Variants in KANSL1 observed in about 807,000 individuals in gnomAD.
The protein encoded by KANSL1 is MLL1/MLL complex subunit KANSL1.
In KANSL1, 22 loss-of-function variants were observed where a neutral mutation model predicts 103.6. The ratio of observed to expected loss-of-function variants is 0.21; its 90% CI spans 0.15 to 0.30. The LOEUF is 0.30. Ranked by LOEUF, KANSL1 falls within the 10% of genes least tolerant of loss-of-function variation. KANSL1 has a pLI of 1.00. For missense variants in KANSL1, 1,337 were observed against 1,399.8 expected, an observed-to-expected ratio of 0.96 and a Z score of 0.72; for synonymous variants, 600 against 527.6, an observed-to-expected ratio of 1.14 and a Z score of -1.88.
chr17:46,133,024 T>C (rs1190107845), intron 2 of KANSL1, among the ~76,000 whole-genome samples: 1 of 152,168 alleles, frequency 6.6e-6, no homozygotes, highest in African/African-American at 2.4e-5. Context: ...GACTGTTTGT[T>C]TAGGGTCCAT....
intron 2 of KANSL1, among the ~76,000 whole-genome samples, chr17:46,129,630 A>G (rs2043747339): frequency 6.6e-6 from 1 of 152,232 alleles, no homozygotes. Context: ...AAACACAGAC[A>G]AAATATATTT....
intron 1 of KANSL1, among the ~76,000 whole-genome samples, chr17:46,185,657 A>G (rs371189976): frequency 2.7e-4 from 30 of 110,322 alleles, no homozygotes; most frequent in African/African-American, 7.3e-4. Context: ...CCCATTAAAC[A>G]TATATATATA....
intron 6 of KANSL1, among the ~76,000 whole-genome samples, chr17:46,062,114 CAAACAA>C (rs2078189463): frequency 2.7e-5 from 1 of 37,126 alleles, no homozygotes; most frequent in African/African-American, 6.8e-5. Flanking sequence ...AAAAAACAAA[CAAACAA>C]AAAAAAAAAA....
At chr17:46,196,385 G>A (rs535955329), upstream of KANSL1, 343 of 456,150 alleles carry the variant, frequency 7.5e-4, no homozygotes, top group South Asian at 5.2e-3. Context: ...CATGAGATGT[G>A]AGTAGAAGCC....
chr17:46,102,442 G>T (rs1164100746), intron 2 of KANSL1, among the ~76,000 whole-genome samples: 1 of 152,094 alleles, frequency 6.6e-6, no homozygotes, highest in African/African-American at 2.4e-5. Flanking sequence ...TAGAGATGGG[G>T]TTTTGCCGTG....
At chr17:46,131,972 C>CA (rs2043885086) in intron 2 of KANSL1, among the ~76,000 whole-genome samples, 1 of 152,152 alleles carries the variant, frequency 6.6e-6, no homozygotes, top group African/African-American at 2.4e-5. Flanking sequence ...ACTAAAAATA[C>CA]AAAAATTAAC....
chr17:46,212,140 T>C (rs1054772003), intron 1 of KANSL1, among the ~76,000 whole-genome samples: 2 of 152,236 alleles, frequency 1.3e-5, no homozygotes, highest in Non-Finnish European at 2.9e-5. Flanking sequence ...ATTCCTTATC[T>C]TTATACACTT....
chr17:46,150,955 CTT>C (rs1432664402), intron 2 of KANSL1, among the ~76,000 whole-genome samples: 2 of 148,172 alleles, frequency 1.3e-5, no homozygotes, highest in African/African-American at 5.0e-5. Context: ...ACACGAGTAT[CTT>C]GTGTTCAGCA....
intron 2 of KANSL1, among the ~76,000 whole-genome samples, chr17:46,141,196 GA>G (rs1227961709): frequency 6.6e-6 from 1 of 152,188 alleles, no homozygotes; most frequent in East Asian, 1.9e-4. Context: ...TCTTTGAACT[GA>G]AAATCCTTTT....
At chr17:46,159,164 C>T (rs2045598007) in intron 2 of KANSL1, among the ~76,000 whole-genome samples, 1 of 152,204 alleles carries the variant, frequency 6.6e-6, no homozygotes, top group Admixed American at 6.5e-5. Flanking sequence ...CCGGGCTGCT[C>T]ACTATACCTC....
chr17:46,181,309 G>A (rs2046779547), intron 1 of KANSL1, among the ~76,000 whole-genome samples: 1 of 152,128 alleles, frequency 6.6e-6, no homozygotes. Flanking sequence ...TATCAGTCTA[G>A]CCCAGGTCCT....
At chr17:46,160,165 A>G (rs1255590522) in intron 2 of KANSL1, among the ~76,000 whole-genome samples, 1 of 152,236 alleles carries the variant, frequency 6.6e-6, no homozygotes, top group Non-Finnish European at 1.5e-5. Flanking sequence ...TAAAGACAAC[A>G]AACCTAAACC....
chr17:46,031,144 CA>C lies in KANSL1; in HGVS notation c.*331del. On this transcript the variant is annotated 3_prime_UTR_variant, in exon 15 of 15. Transcript: ENST00000432791. ...CCGCCAGGCTGTTCTGCCCTGCCCA[CA>C]GGTGTGAGGGAGGGGGTGGTCATCT... 1 of 379,072 alleles carries C rather than the reference CA, an allele frequency of 2.6e-6. No homozygotes were observed. Among genetic ancestry groups the C allele is most frequent in the Non-Finnish European group, 4.9e-6 (1 of 204,336 alleles). 23.5% of individuals were successfully genotyped at this position (379,072 alleles called of 1,614,324 possible). A position where few individuals can be genotyped will look rare whatever the true frequency, so the allele number is the denominator to read the frequency against.
At chr17:46,047,802 TAAA>T (rs66740033) in intron 7 of KANSL1, among the ~76,000 whole-genome samples, 20,599 of 120,018 alleles carry the variant, frequency 0.17, 2,044 homozygotes, top group Non-Finnish European at 0.26. Flanking sequence ...AAATAAAAAT[TAAA>T]AAAAAAAAAA....
intron 2 of KANSL1, among the ~76,000 whole-genome samples, chr17:46,105,028 G>A (rs182886160): frequency 6.6e-6 from 1 of 152,222 alleles, no homozygotes; most frequent in East Asian, 1.9e-4. Flanking sequence ...GGACAGGCTG[G>A]TCTCAAACTC....
rs2078505472 is a variant in KANSL1 at position 46,069,671 on chromosome 17, G to A, written c.1534-2004C>T. Among the ~76,000 whole-genome samples, 4 of 152,244 alleles carry A rather than the reference G, an allele frequency of 2.6e-5. No homozygotes were observed. In the South Asian group the frequency reaches 8.3e-4, roughly 32 times the overall value. ...GAGGCACAAGAATCACTTGAACCCA[G>A]GAAGTGGAGGTTGCAGTGAGCCAAA... is the stretch of plus-strand genomic sequence containing the variant. On this transcript the variant is annotated intron_variant, in intron 4 of 14. Coordinates refer to ENST00000432791, the MANE Select transcript of KANSL1 (RefSeq NM_015443.4).
intron 2 of KANSL1, among the ~76,000 whole-genome samples, chr17:46,158,711 T>G (rs1028290841): frequency 6.6e-6 from 1 of 152,162 alleles, no homozygotes; most frequent in African/African-American, 2.4e-5. Context: ...CGGTTCATTT[T>G]TGTATTTTTA....
chr17:46,039,584 T>G lies in KANSL1; in HGVS notation c.2203+118A>C, dbSNP rs7221390. ...GAAGCAGTCACTGTGAGCTGAATTT[T>G]TTATCGGTCAACTGCCTCTCCCAAC... is the stretch of plus-strand genomic sequence containing the variant. On this transcript the variant is annotated intron_variant, in intron 8 of 14. Transcript: ENST00000432791. 231,747 of 1,150,052 alleles carry G rather than the reference T, an allele frequency of 0.2. 26,252 individuals carry two copies. The highest frequency in any genetic ancestry group is 0.32 in the African/African-American group (20,800 of 64,300). The allele number at this position is 1,150,052 out of a possible 1,614,324, so 71.2% of individuals were successfully genotyped here. A position where few individuals can be genotyped will look rare whatever the true frequency, so the allele number is the denominator to read the frequency against.
At chr17:46,090,090 G>A (rs1408262992) in intron 3 of KANSL1, among the ~76,000 whole-genome samples, 3 of 151,528 alleles carry the variant, frequency 2.0e-5, no homozygotes, top group African/African-American at 7.3e-5. Flanking sequence ...TATGACTGGT[G>A]TCCTCCTGAC....
Sources: gnomAD v4.1 joint callset for allele counts (sites outside exome capture counted in the v4.1 genomes callset) on GRCh38, gnomAD v4.1.1 for gene constraint, MANE v1.5 for transcripts, NCBI Gene and HGNC (gene_info 2026-07-23, HGNC 2026-07-21) for gene names.